The following AUTS2 variants were observed in gnomAD, a reference collection of about 807,000 sequenced individuals.
AUTS2 encodes the protein activator of transcription and developmental regulator AUTS2, also known as autism susceptibility gene 2 protein.
In AUTS2, 17 loss-of-function variants were observed where a neutral mutation model predicts 112.4. The observed-to-expected ratio is 0.15, with a 90% confidence interval of 0.10 to 0.23. AUTS2 has a LOEUF of 0.23. Ranked by LOEUF, AUTS2 falls within the 10% of genes least tolerant of loss-of-function variation. The pLI is 1.00. For synonymous variants in AUTS2, 751 were observed against 702.7 expected (o/e 1.07, Z -1.09); for missense variants, 1,510 against 1,701.6 (o/e 0.89, Z 1.98).
At chr7:70,776,905 G>A in intron 13 of AUTS2, 198 bp from the exon 14 acceptor site, 1 of 621,726 alleles carries the variant, frequency 1.6e-6, no homozygotes, top group Non-Finnish European at 2.9e-6. Context: ...CACGTGGGGA[G>A]AGAGGGGGAG....
intron 2 of AUTS2, among the ~76,000 whole-genome samples, chr7:69,929,915 G>A (rs1307626598): frequency 6.6e-6 from 1 of 152,126 alleles, no homozygotes; most frequent in East Asian, 1.9e-4. Context: ...ATTTTACCTT[G>A]TTGGATGCTA....
At position 70,745,321 on chromosome 7, in the gene AUTS2, T is replaced by A. The variant is rs111375017; in HGVS notation, c.743-17549T>A. On this transcript the variant is annotated intron_variant, in intron 6 of 18. Coordinates refer to ENST00000342771, the MANE Select transcript of AUTS2 (RefSeq NM_015570.4). ...ATTTTTCTATTTAGTTTTTAGCAGT[T>A]CTCGTTGGCTAATTTTAAAAAGATT... Among the ~76,000 whole-genome samples the A allele has an allele frequency of 3.1e-3, 477 of 152,330 alleles. 3 individuals are homozygous for A. Among genetic ancestry groups the A allele is most frequent in the African/African-American group, 0.011 (453 of 41,578 alleles).
intron 5 of AUTS2, among the ~76,000 whole-genome samples, chr7:70,463,163 T>C (rs1356654590): frequency 6.6e-6 from 1 of 152,196 alleles, no homozygotes; most frequent in Non-Finnish European, 1.5e-5. Flanking sequence ...TTTGGACCCA[T>C]CTCTAGTAGA....
chr7:69,720,440 C>T (rs1798867494), intron 1 of AUTS2, among the ~76,000 whole-genome samples: 1 of 152,064 alleles, frequency 6.6e-6, no homozygotes, highest in Non-Finnish European at 1.5e-5. Flanking sequence ...GATGTGTTCT[C>T]AAAGATTTGT....
intron 4 of AUTS2, among the ~76,000 whole-genome samples, chr7:70,148,902 C>G (rs1807278020): frequency 6.6e-6 from 1 of 152,028 alleles, no homozygotes; most frequent in Non-Finnish European, 1.5e-5. Context: ...TTACACAAAA[C>G]TATTTAAGCA....
rs79297959 is a variant in AUTS2 at position 69,605,456 on chromosome 7, T to G, written c.309+5494T>G. 8.1e-3 allele frequency among the ~76,000 whole-genome samples: 1,241 copies of G among 152,314 alleles called. 8 individuals carry two copies. The highest frequency in any genetic ancestry group is 0.013 in the Non-Finnish European group (883 of 68,040). Reference sequence around the variant, plus strand: ...TGAGTGGTTCTCATTAATAGCTCTTTCAGTGTGATGATACTAGCCCAATTC... The same window carrying G: ...TGAGTGGTTCTCATTAATAGCTCTTGCAGTGTGATGATACTAGCCCAATTC... On this transcript the variant is annotated intron_variant, in intron 1 of 18. Coordinates refer to ENST00000342771, the MANE Select transcript of AUTS2 (RefSeq NM_015570.4).
chr7:70,254,478 T>C (rs1347965802), intron 4 of AUTS2, among the ~76,000 whole-genome samples: 2 of 152,216 alleles, frequency 1.3e-5, no homozygotes, highest in Non-Finnish European at 2.9e-5. Context: ...GGAGAACTGC[T>C]GATGCAACCA....
At chr7:70,517,757 T>C (rs1352204849) in intron 5 of AUTS2, among the ~76,000 whole-genome samples, 2 of 151,934 alleles carry the variant, frequency 1.3e-5, no homozygotes, top group African/African-American at 4.8e-5. Context: ...ACACACGATT[T>C]GTGTCCAGTT....
At chr7:70,118,518 C>T (rs913848951) in intron 3 of AUTS2, 3 of 219,004 alleles carry the variant, frequency 1.4e-5, no homozygotes, top group Non-Finnish European at 2.7e-5. Context: ...GTGGCTCACG[C>T]CTGTAATCCC....
chr7:70,257,302 A>G (rs1374337826), intron 4 of AUTS2, among the ~76,000 whole-genome samples: 1 of 151,992 alleles, frequency 6.6e-6, no homozygotes, highest in Non-Finnish European at 1.5e-5. Flanking sequence ...CACCACACCC[A>G]GTTCATTTTG....
intron 2 of AUTS2, among the ~76,000 whole-genome samples, chr7:69,961,844 T>C (rs1584497088): frequency 6.6e-6 from 1 of 152,190 alleles, no homozygotes; most frequent in Non-Finnish European, 1.5e-5. Flanking sequence ...GTGAACCTTT[T>C]TGAGGGCTTT....
intron 2 of AUTS2, among the ~76,000 whole-genome samples, chr7:69,924,077 C>T (rs541853505): frequency 6.6e-6 from 1 of 152,104 alleles, no homozygotes; most frequent in South Asian, 2.1e-4. Context: ...CTTAGCTATA[C>T]GTTTTTCATA....
chr7:69,802,225 C>T (rs1790116752), intron 1 of AUTS2, among the ~76,000 whole-genome samples: 1 of 152,164 alleles, frequency 6.6e-6, no homozygotes, highest in African/African-American at 2.4e-5. Flanking sequence ...TTCTTCTTGC[C>T]AACTTAGTTT....
At chr7:70,009,404 C>T (rs975981764) in intron 2 of AUTS2, among the ~76,000 whole-genome samples, 1 of 152,116 alleles carries the variant, frequency 6.6e-6, no homozygotes, top group African/African-American at 2.4e-5. Flanking sequence ...ATTTGTTTAA[C>T]GTTGGTATCG....
chr7:69,905,474 AG>A (rs1795114827), intron 2 of AUTS2, among the ~76,000 whole-genome samples: 1 of 152,170 alleles, frequency 6.6e-6, no homozygotes, highest in Non-Finnish European at 1.5e-5. Context: ...CCAAGTCTGA[AG>A]GCCTGAGACT....
intron 6 of AUTS2, 46 bp downstream of exon 6, chr7:70,698,666 G>A: frequency 7.1e-7 from 1 of 1,406,386 alleles, no homozygotes; most frequent in Non-Finnish European, 9.9e-7. Context: ...TTTTATGTTA[G>A]TTTCATTGTC....
At chr7:70,175,416 A>T (rs1242601576) in intron 4 of AUTS2, among the ~76,000 whole-genome samples, 2 of 151,530 alleles carry the variant, frequency 1.3e-5, no homozygotes, top group East Asian at 3.9e-4. Context: ...AGAATATTCC[A>T]TAAACTCAGT....
intron 5 of AUTS2, among the ~76,000 whole-genome samples, chr7:70,583,518 G>A (rs182539641): frequency 6.6e-6 from 1 of 152,316 alleles, no homozygotes; most frequent in Admixed American, 6.5e-5. Context: ...GAGGGGCGGA[G>A]GCAGAGGTAG....
intron 5 of AUTS2, among the ~76,000 whole-genome samples, chr7:70,642,969 C>T (rs961747214): frequency 3.3e-5 from 5 of 152,204 alleles, no homozygotes; most frequent in East Asian, 1.9e-4. Flanking sequence ...TCATCAGGCC[C>T]ACCCTGAAGG....
Sources: gnomAD v4.1 joint callset for allele counts (sites outside exome capture counted in the v4.1 genomes callset) on GRCh38, gnomAD v4.1.1 for gene constraint, MANE v1.5 for transcripts, NCBI Gene and HGNC (gene_info 2026-07-23, HGNC 2026-07-21) for gene names.